The following MAGI2 variants were observed in gnomAD, a reference collection of about 807,000 sequenced individuals.
MAGI2 encodes membrane-associated guanylate kinase, WW and PDZ domain-containing protein 2.
MAGI2 carries 35 observed loss-of-function variants against 133.3 expected under a neutral mutation model. That is an observed-to-expected ratio of 0.26 (90% CI 0.20 to 0.35). The LOEUF is 0.35. MAGI2 is among the 10% of genes least tolerant of loss of function. The pLI is 1.00. For missense variants in MAGI2, 1,636 were observed against 1,863.4 expected (o/e 0.88, Z 2.25); for synonymous variants, 729 against 710.6 (o/e 1.03, Z -0.41).
chr7:78,943,298 G>A (rs2151684762), intron 2 of MAGI2, among the ~76,000 whole-genome samples: 1 of 152,216 alleles, frequency 6.6e-6, no homozygotes, highest in Admixed American at 6.5e-5. Context: ...GAAAAAAATA[G>A]AACATGTAAC....
chr7:79,174,242 A>G (rs1344176012), intron 1 of MAGI2, among the ~76,000 whole-genome samples: 1 of 152,112 alleles, frequency 6.6e-6, no homozygotes, highest in Non-Finnish European at 1.5e-5. Flanking sequence ...ATTGAAAAAG[A>G]ATCATCTATT....
intron 2 of MAGI2, among the ~76,000 whole-genome samples, chr7:78,860,137 C>T (rs184881890): frequency 9.9e-5 from 15 of 152,208 alleles, no homozygotes; most frequent in Admixed American, 4.6e-4. Flanking sequence ...GTTAGCCATT[C>T]GTCTAATCTT....
chr7:78,511,556 T>A (rs1451454135), intron 4 of MAGI2, among the ~76,000 whole-genome samples: 1 of 108,668 alleles, frequency 9.2e-6, no homozygotes, highest in African/African-American at 3.0e-5. Flanking sequence ...TATAAATTTT[T>A]TTTTTTTTTT....
At chr7:78,225,846 T>C (rs1232538988) in intron 10 of MAGI2, among the ~76,000 whole-genome samples, 1 of 152,206 alleles carries the variant, frequency 6.6e-6, no homozygotes, top group Non-Finnish European at 1.5e-5. Context: ...AATTCTTCTT[T>C]TAGTCCTTTG....
intron 1 of MAGI2, among the ~76,000 whole-genome samples, chr7:79,131,894 T>C (rs905537537): frequency 6.6e-6 from 1 of 152,114 alleles, no homozygotes; most frequent in Non-Finnish European, 1.5e-5. Flanking sequence ...AAAAATTGAT[T>C]ACAGGTCTCT....
chr7:78,220,754 G>A (rs1413134577), intron 10 of MAGI2, among the ~76,000 whole-genome samples: 1 of 152,168 alleles, frequency 6.6e-6, no homozygotes, highest in African/African-American at 2.4e-5. Flanking sequence ...AGAGGTGGAA[G>A]CGGAGCAATT....
intron 11 of MAGI2, among the ~76,000 whole-genome samples, chr7:78,198,930 G>A (rs1343407994): frequency 6.6e-6 from 1 of 152,178 alleles, no homozygotes; most frequent in Non-Finnish European, 1.5e-5. Flanking sequence ...TTGTTCAACA[G>A]GAAGTGACTA....
intron 1 of MAGI2, among the ~76,000 whole-genome samples, chr7:79,339,629 C>T (rs1002199162): frequency 3.9e-5 from 6 of 152,038 alleles, no homozygotes; most frequent in Non-Finnish European, 8.8e-5. Flanking sequence ...ATATTAAGTG[C>T]TTATCACCAG....
chr7:78,132,279 A>T (rs1821638803), intron 18 of MAGI2, among the ~76,000 whole-genome samples: 1 of 152,068 alleles, frequency 6.6e-6, no homozygotes, highest in South Asian at 2.1e-4. Context: ...GTCTGCAGCC[A>T]CCTCCTAACT....
chr7:78,492,889 G>A (rs7809117), intron 5 of MAGI2, among the ~76,000 whole-genome samples: 31,428 of 152,116 alleles, frequency 0.21, 5,227 homozygotes, highest in African/African-American at 0.46. Context: ...CAATGCAACA[G>A]ATATTTTTTA....
intron 2 of MAGI2, among the ~76,000 whole-genome samples, chr7:78,634,416 T>G (rs1004128495): frequency 7.2e-5 from 11 of 152,176 alleles, no homozygotes; most frequent in African/African-American, 2.4e-4. Context: ...TTTAGATCTA[T>G]GTGTCTGGGA....
chr7:78,583,058 C>T (rs532780775), intron 3 of MAGI2, among the ~76,000 whole-genome samples: 3 of 152,294 alleles, frequency 2.0e-5, no homozygotes, highest in Admixed American at 6.5e-5. Flanking sequence ...TCAGATACCA[C>T]TCAAGTCAAC....
chr7:78,926,239 A>C (rs1799682630), intron 2 of MAGI2, among the ~76,000 whole-genome samples: 1 of 152,022 alleles, frequency 6.6e-6, no homozygotes, highest in Admixed American at 6.6e-5. Flanking sequence ...TCCTTGAAGA[A>C]ATTAAAAAGC....
At chr7:78,600,099 T>C (rs1425368410) in intron 3 of MAGI2, among the ~76,000 whole-genome samples, 2 of 152,202 alleles carry the variant, frequency 1.3e-5, no homozygotes, top group Non-Finnish European at 2.9e-5. Flanking sequence ...TTGGATACCT[T>C]TTTGTAAATA....
chr7:79,256,486 CTTTTTTTTT>C lies in MAGI2; in HGVS notation c.301+196525_301+196533del, dbSNP rs11303181. Among the ~76,000 whole-genome samples, 279 of 82,802 alleles carry C rather than the reference CTTTTTTTTT, an allele frequency of 3.4e-3. 2 individuals are homozygous for C. The highest frequency in any genetic ancestry group is 0.012 in the African/African-American group (253 of 21,462). The allele number at this position is 82,802 out of a possible 152,430, so 54.3% of individuals were successfully genotyped here. ...GTCTTTTCTGTCTCTCTCTCTCTCT[CTTTTTTTTT>C]TTTTTTTTTTTTTTGACAGAGTCTT... is the stretch of plus-strand genomic sequence containing the variant. On this transcript the variant is annotated intron_variant, in intron 1 of 21. Transcript: ENST00000354212.
intron 3 of MAGI2, among the ~76,000 whole-genome samples, chr7:78,605,223 AG>A (rs1384309165): frequency 2.0e-5 from 3 of 152,222 alleles, no homozygotes; most frequent in Non-Finnish European, 4.4e-5. Context: ...GGTAGAACTA[AG>A]GAGAAATGGA....
intron 9 of MAGI2, among the ~76,000 whole-genome samples, chr7:78,288,043 T>G (rs193288253): frequency 6.6e-6 from 1 of 152,308 alleles, no homozygotes; most frequent in East Asian, 1.9e-4. Context: ...TTCCTTTCCC[T>G]AAAATAAATG....
chr7:78,604,259 G>A (rs1431356526), intron 3 of MAGI2, among the ~76,000 whole-genome samples: 1 of 152,178 alleles, frequency 6.6e-6, no homozygotes, highest in Non-Finnish European at 1.5e-5. Flanking sequence ...GCCCTGAGAT[G>A]GAAGAAGCAT....
intron 1 of MAGI2, among the ~76,000 whole-genome samples, chr7:79,452,093 G>GAA: frequency 6.6e-6 from 1 of 152,054 alleles, no homozygotes; most frequent in East Asian, 1.9e-4. Context: ...GGCTGGAACC[G>GAA]GCCAGGGTTT....
Sources: allele counts gnomAD v4.1 joint callset (sites outside exome capture counted in the v4.1 genomes callset), GRCh38; gene constraint gnomAD v4.1.1; transcripts MANE v1.5; gene names NCBI Gene and HGNC (gene_info 2026-07-23, HGNC 2026-07-21).